BRCA2: variants seen among roughly 807,000 people sequenced by gnomAD.
BRCA2 encodes BRCA2 DNA repair associated.
In BRCA2, 203 loss-of-function variants were observed where a neutral mutation model predicts 276.7. The observed-to-expected ratio is 0.73, with a 90% CI of 0.65 to 0.82. The LOEUF (loss-of-function observed/expected upper bound fraction) is 0.82, where lower values mean the gene tolerates loss of function less well. Among genes scored for constraint, BRCA2 ranks in the 40% least tolerant of loss-of-function variants. BRCA2 has a pLI of 0.00. For missense variants in BRCA2, 3,920 were observed against 3,915.0 expected, an observed-to-expected ratio of 1.00 and a Z score of -0.03; for synonymous variants, 1,289 against 1,338.4, an observed-to-expected ratio of 0.96 and a Z score of 0.81.
rs747281144 is a variant in BRCA2 at position 32,398,665 on chromosome 13, A to G, written c.10152A>G (p.Arg3384=). The change falls in exon 27 of 27, where the codon CGA becomes CGG. Residue 3384 remains arginine, a synonymous_variant. Coordinates refer to ENST00000380152, the MANE Select transcript of BRCA2 (RefSeq NM_000059.4). ...TSSEDYLRLK[R]RCTTSLIKEQ... ...CAGAAGATTATCTCAGACTGAAACG[A>G]CGTTGTACTACATCTCTGATCAAAG... 4 of 1,614,174 alleles carry G rather than the reference A, an allele frequency of 2.5e-6. No individual in the cohort carries two copies. Among genetic ancestry groups the G allele is most frequent in the Non-Finnish European group, 3.4e-6 (4 of 1,180,016 alleles).
intron 20 of BRCA2, among the ~76,000 whole-genome samples, chr13:32,374,118 A>G (rs904404410): frequency 1.3e-5 from 2 of 152,244 alleles, no homozygotes; most frequent in African/African-American, 4.8e-5. Context: ...CAAGTGGGAC[A>G]CAGGTTGCCA....
At chr13:32,396,755 G>A (rs1371236173) in intron 25 of BRCA2, 143 bp from the exon 26 acceptor site, 1 of 1,020,748 alleles carries the variant, frequency 9.8e-7, no homozygotes, top group East Asian at 2.4e-5. Flanking sequence ...GCATCGGCAT[G>A]TTTGACAATT....
chr13:32,340,017 A>G lies in BRCA2; in HGVS notation c.5662A>G (p.Lys1888Glu). Reference sequence around the variant, plus strand: ...GAATAAATCAAAAATTTGCCAAACGAAAATTATGGCAGGTTGTTACGAGGC... The same window carrying G: ...GAATAAATCAAAAATTTGCCAAACGGAAATTATGGCAGGTTGTTACGAGGC... ...NENKSKICQTKIMAGCYEALD... is the reference protein window; with the variant it reads ...NENKSKICQTEIMAGCYEALD... The change falls in exon 11 of 27, where the codon AAA (lysine) becomes GAA (glutamate). Residue 1888 changes from lysine to glutamate, a missense_variant. Lys to Glu is a moderately conservative substitution (Grantham distance 56, BLOSUM62 1). Around this residue, in one of 2 missense-constraint regions of BRCA2, gnomAD observed 3,263 missense variants for 3,156.9 expected, o/e 1.03. Coordinates refer to ENST00000380152, the MANE Select transcript of BRCA2 (RefSeq NM_000059.4). The G allele has an allele frequency of 6.2e-7, 1 of 1,612,964 alleles. No individual in the cohort carries two copies. The highest frequency in any genetic ancestry group is 1.1e-5 in the South Asian group (1 of 90,620).
intron 20 of BRCA2, among the ~76,000 whole-genome samples, chr13:32,374,220 C>G (rs1382071501): frequency 6.6e-6 from 1 of 152,266 alleles, no homozygotes; most frequent in Non-Finnish European, 1.5e-5. Context: ...ATAGAAGGGT[C>G]TACTGTGGAG....
In BRCA2 at chr13:32,323,151, ATTT is replaced by A. The variant is rs200414858; in HGVS notation, c.317-1909_317-1907del. Among the ~76,000 whole-genome samples, 136 of 135,860 alleles carry A rather than the reference ATTT, an allele frequency of 1.0e-3. 1 individual carries two copies. Among genetic ancestry groups the A allele is most frequent in the African/African-American group, 2.3e-3 (84 of 36,418 alleles). The allele number at this position is 135,860 out of a possible 152,430, so 89.1% of individuals were successfully genotyped here. On this transcript the variant is annotated intron_variant, in intron 3 of 26. Coordinates refer to ENST00000380152, the MANE Select transcript of BRCA2 (RefSeq NM_000059.4). ...GGTACCTCATTGTTTGTTTTATTTAATTTTTTTTTTTTTTTTTTGGAGATGAAA... is the reference window on the plus strand; with the variant it reads ...GGTACCTCATTGTTTGTTTTATTTAATTTTTTTTTTTTTTTGGAGATGAAA...
intron 20 of BRCA2, among the ~76,000 whole-genome samples, chr13:32,375,930 A>G (rs1226069862): frequency 6.6e-6 from 1 of 152,190 alleles, no homozygotes; most frequent in Non-Finnish European, 1.5e-5. Context: ...CAAAATGGAT[A>G]TTGTGTTAGG....
intron 4 of BRCA2, among the ~76,000 whole-genome samples, chr13:32,325,562 T>G (rs2072338845): frequency 6.6e-6 from 1 of 151,124 alleles, no homozygotes; most frequent in African/African-American, 2.4e-5. Flanking sequence ...TTTTTTTTTT[T>G]GAGATGGAGT....
In BRCA2 at chr13:32,332,793, T is replaced by G. The variant is rs80358420; in HGVS notation, c.1315T>G (p.Phe439Val). Residue 439 changes from phenylalanine to valine, a missense_variant, in exon 10 of 27, where the codon TTT becomes GTT. Transcript: ENST00000380152. ...LDTENKRKKD[F>V]LTSENSLPRI... ...CACAGAGAACAAAAGAAAGAAAGAT[T>G]TTCTTACTTCAGAGAATTCTTTGCC... 1.4e-5 allele frequency: 22 copies of G among 1,607,640 alleles called. No homozygotes were observed. Among genetic ancestry groups the G allele is most frequent in the Non-Finnish European group, 1.8e-5 (21 of 1,178,516 alleles).
chr13:32,332,459 G>C lies in BRCA2; in HGVS notation c.981G>C (p.Lys327Asn), dbSNP rs751890878. The change falls in exon 10 of 27, where the codon AAG becomes AAC. Residue 327 changes from lysine (K) to asparagine (N), a missense_variant. By Grantham distance (94) the Lys-to-Asn change is moderately conservative (BLOSUM62 0). Transcript: ENST00000380152. Reference protein sequence around the residue: ...TKNLQKVRTSKTRKKIFHEAN... With the variant: ...TKNLQKVRTSNTRKKIFHEAN... ...ATCTACAAAAAGTAAGAACTAGCAA[G>C]ACTAGGAAAAAAATTTTCCATGAAG... 6.3e-7 allele frequency: 1 copy of C among 1,593,150 alleles called. No homozygotes were observed.
chr13:32,398,235 C>T lies in BRCA2; in HGVS notation c.9722C>T (p.Ser3241Phe), dbSNP rs398122621. Residue 3241 changes from serine to phenylalanine, a missense_variant, in exon 27 of 27, where the codon TCC becomes TTC. By Grantham distance (155) the Ser-to-Phe change is radical. Around this residue, in one of 2 missense-constraint regions of BRCA2, gnomAD observed 657 missense variants for 758.2 expected, o/e 0.87. Coordinates refer to ENST00000380152, the MANE Select transcript of BRCA2 (RefSeq NM_000059.4). ...TGTATGGCCAAAAGGAAGTCTGTTT[C>T]CACACCTGTCTCAGCCCAGATGACT... ...SLCMAKRKSV[S>F]TPVSAQMTSK... 6.2e-7 allele frequency: 1 copy of T among 1,613,856 alleles called. No homozygotes were observed. Among genetic ancestry groups the T allele is most frequent in the Non-Finnish European group, 8.5e-7 (1 of 1,179,958 alleles).
At chr13:32,316,080 A>G (rs1188381269) in intron 1 of BRCA2, among the ~76,000 whole-genome samples, 6 of 152,212 alleles carry the variant, frequency 3.9e-5, no homozygotes, top group African/African-American at 1.2e-4. Context: ...CTGTATTCCG[A>G]AGACATGCTG....
chr13:32,370,822 AC>A, intron 19 of BRCA2, 133 bp from the exon 20 acceptor site: 1 of 1,152,270 alleles, frequency 8.7e-7, no homozygotes, highest in Non-Finnish European at 1.3e-6. Flanking sequence ...CGAACTCCTG[AC>A]CTCAGGTGAT....
At position 32,398,346 on chromosome 13, in the gene BRCA2, C is replaced by T. The variant is rs768039420; in HGVS notation, c.9833C>T (p.Pro3278Leu). 1 of 1,614,044 alleles carries T rather than the reference C, an allele frequency of 6.2e-7. No homozygotes were observed. The highest frequency in any genetic ancestry group is 1.3e-5 in the African/African-American group (1 of 74,918). ...GCCTTGGATTTCTTGAGTAGACTGCCTTTACCTCCACCTGTTAGTCCCATT... is the reference window on the plus strand; with the variant it reads ...GCCTTGGATTTCTTGAGTAGACTGCTTTTACCTCCACCTGTTAGTCCCATT... ...RRALDFLSRL[P>L]LPPPVSPICT... Residue 3278 changes from proline to leucine, a missense_variant, in exon 27 of 27, where the codon CCT (proline) becomes CTT (leucine). Transcript: ENST00000380152.
In BRCA2 at chr13:32,337,733, A is replaced by G. The variant is rs1165549525; in HGVS notation, c.3378A>G (p.Glu1126=). ...TAGAAGAATCAGGAAGTCAGTTTGA[A>G]TTTACTCAGTTTAGAAAACCAAGCT... ...TILEESGSQF[E]FTQFRKPSYI... The change falls in exon 11 of 27, where the codon GAA becomes GAG. Residue 1126 remains glutamate (E), a synonymous_variant. Transcript: ENST00000380152. 1 of 1,613,688 alleles carries G rather than the reference A, an allele frequency of 6.2e-7. No individual in the cohort carries two copies. Among genetic ancestry groups the G allele is most frequent in the Non-Finnish European group, 8.5e-7 (1 of 1,179,814 alleles).
At chr13:32,357,069 TG>T (rs2072703442) in intron 15 of BRCA2, among the ~76,000 whole-genome samples, 1 of 152,212 alleles carries the variant, frequency 6.6e-6, no homozygotes, top group African/African-American at 2.4e-5. Flanking sequence ...ATTTTCTAGG[TG>T]TAAGATGCTC....
At position 32,327,429 on chromosome 13, in the gene BRCA2, A is replaced by G. The variant is rs531682933; in HGVS notation, c.631+816A>G. ...GCCACTGCACTCCAGCCTGGGTGAC[A>G]GGGAGGCTGAGGTGGGAGGATCACG... is the stretch of plus-strand genomic sequence containing the variant. On this transcript the variant is annotated intron_variant, in intron 7 of 26. Transcript: ENST00000380152. 4.6e-5 allele frequency among the ~76,000 whole-genome samples: 7 copies of G among 152,134 alleles called. No homozygotes were observed. In the South Asian group the frequency reaches 8.3e-4, roughly 18 times the overall value.
chr13:32,348,482 A>G (rs1209403972), intron 13 of BRCA2, among the ~76,000 whole-genome samples: 1 of 152,152 alleles, frequency 6.6e-6, no homozygotes, highest in African/African-American at 2.4e-5. Flanking sequence ...TCAAGCCATA[A>G]TAGTATGAAT....
chr13:32,331,079 T>C (rs1470163669), intron 9 of BRCA2, 49 bp downstream of exon 9: 1 of 1,413,824 alleles, frequency 7.1e-7, no homozygotes, highest in Non-Finnish European at 9.9e-7. Context: ...TGTTGTTGTT[T>C]TGATTTTTTT....
At chr13:32,325,809 G>C (rs1416837728) in intron 4 of BRCA2, among the ~76,000 whole-genome samples, 2 of 152,080 alleles carry the variant, frequency 1.3e-5, no homozygotes, top group East Asian at 3.9e-4. Context: ...CAGACTGCTG[G>C]GATTACAGGC....
Sources: gnomAD v4.1 joint callset for allele counts (sites outside exome capture counted in the v4.1 genomes callset) on GRCh38, gnomAD v4.1.1 for gene constraint, gnomAD v4.1.1 regional missense constraint, MANE v1.5 for transcripts, NCBI Gene and HGNC (gene_info 2026-07-23, HGNC 2026-07-21) for gene names.